LUZP2: variants seen among roughly 807,000 people sequenced by gnomAD.
The protein encoded by LUZP2 is leucine zipper protein 2.
Under a neutral mutation model 51.6 loss-of-function variants are expected in LUZP2, and 52 were observed. That is an observed-to-expected ratio of 1.01 (90% CI 0.81 to 1.27). The LOEUF is 1.27. Ranked by LOEUF, LUZP2 falls within the 50% of genes most tolerant of loss-of-function variation. The pLI is 0.00. For synonymous variants in LUZP2, 154 were observed against 137.3 expected, an observed-to-expected ratio of 1.12 and a Z score of -0.85; for missense variants, 436 against 395.4, an observed-to-expected ratio of 1.10 and a Z score of -0.87.
At chr11:24,609,131 C>CCCTCG (rs1234694442) in intron 1 of LUZP2, among the ~76,000 whole-genome samples, 1 of 151,950 alleles carries the variant, frequency 6.6e-6, no homozygotes, top group African/African-American at 2.4e-5. Context: ...AGTAGACTAC[C>CCCTCG]GAGGCACTGA....
intron 9 of LUZP2, among the ~76,000 whole-genome samples, chr11:25,009,607 T>C (rs192200746): frequency 5.9e-5 from 9 of 152,308 alleles, no homozygotes; most frequent in Admixed American, 5.9e-4. Context: ...TATAACTCAC[T>C]AGAGATTTGA....
intron 7 of LUZP2, among the ~76,000 whole-genome samples, chr11:24,946,042 T>C (rs1174310704): frequency 1.3e-5 from 2 of 152,084 alleles, no homozygotes; most frequent in Non-Finnish European, 2.9e-5. Context: ...TATTTTGGAC[T>C]TTTCATATAT....
intron 7 of LUZP2, among the ~76,000 whole-genome samples, chr11:24,948,481 A>G (rs1005094391): frequency 6.6e-6 from 1 of 151,660 alleles, no homozygotes; most frequent in African/African-American, 2.4e-5. Flanking sequence ...TTAAATATGT[A>G]TAGAGTCTGA....
At chr11:24,769,693 A>AT (rs763755994) in intron 5 of LUZP2, among the ~76,000 whole-genome samples, 2,516 of 105,740 alleles carry the variant, frequency 0.024, 35 homozygotes, top group Non-Finnish European at 0.03. Context: ...ATGGTGGTCT[A>AT]TTTTTTTTTT....
Position 25,063,669 on chromosome 11 carries a change from G to A in LUZP2, c.858+13539G>A, listed in dbSNP as rs1190727283. Reference sequence around the variant, plus strand: ...TGCAAATGCATCTGAGTAAGTTAATGTAGAACCACATTTCTTCCAAAACTG... The same window carrying A: ...TGCAAATGCATCTGAGTAAGTTAATATAGAACCACATTTCTTCCAAAACTG... On this transcript the variant is annotated intron_variant, in intron 10 of 11. Transcript: ENST00000336930. Among the ~76,000 whole-genome samples, 3 of 151,578 alleles carry A rather than the reference G, an allele frequency of 2.0e-5. 1 individual carries two copies. The highest frequency in any genetic ancestry group is 4.2e-4 in the South Asian group (2 of 4,818).
intron 1 of LUZP2, among the ~76,000 whole-genome samples, chr11:24,705,300 T>G (rs1857544400): frequency 6.6e-6 from 1 of 152,166 alleles, no homozygotes; most frequent in South Asian, 2.1e-4. Flanking sequence ...AGTAAGAGGA[T>G]GTGTAGGGAA....
At chr11:24,789,103 G>A (rs1314855332) in intron 5 of LUZP2, among the ~76,000 whole-genome samples, 2 of 152,256 alleles carry the variant, frequency 1.3e-5, no homozygotes, top group African/African-American at 4.8e-5. Context: ...CCTTGGTGGT[G>A]TACATTTCAC....
At chr11:24,509,067 C>T (rs1799978462) in intron 1 of LUZP2, among the ~76,000 whole-genome samples, 1 of 152,126 alleles carries the variant, frequency 6.6e-6, no homozygotes, top group Admixed American at 6.6e-5. Flanking sequence ...GAACTTGTGT[C>T]ATACACACGC....
intron 1 of LUZP2, among the ~76,000 whole-genome samples, chr11:24,705,598 A>G (rs758712891): frequency 4.6e-5 from 7 of 152,188 alleles, no homozygotes; most frequent in Admixed American, 2.6e-4. Flanking sequence ...AGAAGATGAC[A>G]TGTGAATTTC....
chr11:24,751,678 T>C (rs1859593834), intron 4 of LUZP2: 2 of 448,526 alleles, frequency 4.5e-6, no homozygotes. Flanking sequence ...CCTTTTCCTG[T>C]ACCCATTGCC....
intron 4 of LUZP2, among the ~76,000 whole-genome samples, chr11:24,753,290 G>A (rs1032094064): frequency 9.9e-5 from 15 of 152,082 alleles, no homozygotes; most frequent in African/African-American, 3.4e-4. Flanking sequence ...CGAGAAATAG[G>A]GGAAGGGGCA....
chr11:24,669,360 T>G (rs1856324910), intron 1 of LUZP2, among the ~76,000 whole-genome samples: 1 of 152,160 alleles, frequency 6.6e-6, no homozygotes, highest in South Asian at 2.1e-4. Context: ...AGTACTTTTC[T>G]ATCTTATTCC....
At chr11:24,613,680 T>C (rs1854196230) in intron 1 of LUZP2, among the ~76,000 whole-genome samples, 1 of 151,934 alleles carries the variant, frequency 6.6e-6, no homozygotes, top group East Asian at 1.9e-4. Flanking sequence ...AATGTGATGA[T>C]GAACAATAAG....
chr11:24,795,492 T>C (rs1849521807), intron 5 of LUZP2, among the ~76,000 whole-genome samples: 1 of 152,162 alleles, frequency 6.6e-6, no homozygotes, highest in Non-Finnish European at 1.5e-5. Flanking sequence ...AAGAGTTTTA[T>C]TACATACAAT....
intron 1 of LUZP2, among the ~76,000 whole-genome samples, chr11:24,630,390 T>C (rs1242083526): frequency 6.6e-6 from 1 of 152,088 alleles, no homozygotes; most frequent in African/African-American, 2.4e-5. Context: ...AGGGTCCGGT[T>C]TTATTCTTCT....
rs542320912 is a variant in LUZP2 at position 24,716,596 on chromosome 11, T to C, written c.63-12573T>C. On this transcript the variant is annotated intron_variant, in intron 1 of 11. Transcript: ENST00000336930. ...AAACAAGGAAAGTGTAAACATCAAATTAAATAGTAACCACTAGAAGCTGGG... is the reference window on the plus strand; with the variant it reads ...AAACAAGGAAAGTGTAAACATCAAACTAAATAGTAACCACTAGAAGCTGGG... 1.2e-3 allele frequency among the ~76,000 whole-genome samples: 181 copies of C among 152,172 alleles called. 1 individual carries two copies. Among genetic ancestry groups the C allele is most frequent in the Middle Eastern group, 3.4e-3 (1 of 294 alleles).
At chr11:24,725,476 A>T (rs999039782) in intron 1 of LUZP2, among the ~76,000 whole-genome samples, 2 of 152,114 alleles carry the variant, frequency 1.3e-5, no homozygotes, top group Non-Finnish European at 2.9e-5. Flanking sequence ...AAAATTAAAA[A>T]TTGATACATT....
At chr11:24,975,786 T>C (rs995226047) in intron 7 of LUZP2, among the ~76,000 whole-genome samples, 1 of 151,994 alleles carries the variant, frequency 6.6e-6, no homozygotes, top group Non-Finnish European at 1.5e-5. Context: ...TTTATTCTAA[T>C]AGCACAATAA....
At position 24,985,836 on chromosome 11, in the gene LUZP2, G is replaced by A. The variant is rs113206857; in HGVS notation, c.765+2543G>A. 2.0e-4 allele frequency among the ~76,000 whole-genome samples: 31 copies of A among 151,696 alleles called. 1 individual carries two copies. The highest frequency in any genetic ancestry group is 7.0e-4 in the African/African-American group (29 of 41,470). ...GAACTGAGGGAAGACATCTGAATAA[G>A]GATATTAGATTAGATATCATCACAA... On this transcript the variant is annotated intron_variant, in intron 9 of 11. Coordinates refer to ENST00000336930, the MANE Select transcript of LUZP2 (RefSeq NM_001009909.4).
Sources: allele counts gnomAD v4.1 joint callset (sites outside exome capture counted in the v4.1 genomes callset), GRCh38; gene constraint gnomAD v4.1.1; transcripts MANE v1.5; gene names NCBI Gene and HGNC (gene_info 2026-07-23, HGNC 2026-07-21).